The following ONECUT2 variants were observed in gnomAD, a reference collection of about 807,000 sequenced individuals.
ONECUT2 encodes one cut homeobox 2, also known as one cut domain family member 2.
Under a neutral mutation model 27.9 loss-of-function variants are expected in ONECUT2, and 10 were observed. That is an observed-to-expected ratio of 0.36 (90% CI 0.22 to 0.61). ONECUT2 has a LOEUF of 0.61. Among genes scored for constraint, ONECUT2 ranks in the 20% least tolerant of loss-of-function variants. ONECUT2 has a pLI of 0.73. For synonymous variants in ONECUT2, 334 were observed against 315.1 expected (o/e 1.06, Z -0.64); for missense variants, 686 against 721.0 (o/e 0.95, Z 0.56).
chr18:57,440,515 C>G (rs1412845610), intron 1 of ONECUT2, among the ~76,000 whole-genome samples: 1 of 152,248 alleles, frequency 6.6e-6, no homozygotes, highest in Non-Finnish European at 1.5e-5. Context: ...CCGCCGTAGT[C>G]CGACGCACGG....
At position 57,435,465 on chromosome 18, in the gene ONECUT2, C is replaced by A. The variant is rs1221113959; in HGVS notation, c.-252C>A. On this transcript the variant is annotated 5_prime_UTR_variant, in exon 1 of 2. Transcript: ENST00000491143. ...TGGCGAGGCTGCGAGCCGGCCCGAG[C>A]GGCGGGGCCCGGTGATCCCTCCCTC... 6.6e-6 allele frequency among the ~76,000 whole-genome samples: 1 copy of A among 151,024 alleles called. No individual in the cohort carries two copies. Among genetic ancestry groups the A allele is most frequent in the Non-Finnish European group, 1.5e-5 (1 of 67,576 alleles).
rs1308043404 is a variant in ONECUT2 at position 57,488,651 on chromosome 18, G to A, written c.*11928G>A. On this transcript the variant is annotated 3_prime_UTR_variant, in exon 2 of 2. Transcript: ENST00000491143. ...CAGACAACTGAAGTAGCTACATCAT[G>A]AATGTTATTTTGTTATTAAAGGGTT... 6.6e-6 allele frequency: 1 copy of A among 152,636 alleles called. No individual in the cohort carries two copies. The highest frequency in any genetic ancestry group is 1.5e-5 in the Non-Finnish European group (1 of 68,044). The allele number at this position is 152,636 out of a possible 1,614,324, so 9.5% of individuals were successfully genotyped here. A position where few individuals can be genotyped will look rare whatever the true frequency, so the allele number is the denominator to read the frequency against.
chr18:57,435,982 A>C lies in ONECUT2; in HGVS notation c.266A>C (p.Gln89Pro). Residue 89 changes from glutamine (Q) to proline (P), a missense_variant, in exon 1 of 2, where the codon CAG becomes CCG. By Grantham distance (76) the Gln-to-Pro change is moderately conservative (BLOSUM62 -1). Around this residue, in one of 4 missense-constraint regions of ONECUT2, gnomAD observed 511 missense variants for 488.1 expected, o/e 1.05. Transcript: ENST00000491143. ...RGPPPPPTAH[Q>P]ELGTAAAAAA... ...CCTCCGCCGCCTCCAACCGCGCACCAGGAGCTGGGCACGGCGGCAGCGGCG... is the reference window on the plus strand; with the variant it reads ...CCTCCGCCGCCTCCAACCGCGCACCCGGAGCTGGGCACGGCGGCAGCGGCG... 1 of 1,466,874 alleles carries C rather than the reference A, an allele frequency of 6.8e-7. No individual in the cohort carries two copies. The highest frequency in any genetic ancestry group is 1.4e-5 in the South Asian group (1 of 72,762). 90.9% of individuals were successfully genotyped at this position (1,466,874 alleles called of 1,614,324 possible).
At chr18:57,473,138 G>T (rs1014963108) in intron 1 of ONECUT2, among the ~76,000 whole-genome samples, 1 of 152,190 alleles carries the variant, frequency 6.6e-6, no homozygotes, top group Admixed American at 6.5e-5. Flanking sequence ...CCCACATGGT[G>T]AAAATCAGAA....
At chr18:57,440,517 G>A (rs1555673258) in intron 1 of ONECUT2, among the ~76,000 whole-genome samples, 1 of 152,240 alleles carries the variant, frequency 6.6e-6, no homozygotes, top group Non-Finnish European at 1.5e-5. Context: ...GCCGTAGTCC[G>A]ACGCACGGCC....
chr18:57,470,622 G>A (rs1334590404), intron 1 of ONECUT2, among the ~76,000 whole-genome samples: 1 of 152,168 alleles, frequency 6.6e-6, no homozygotes, highest in Admixed American at 6.5e-5. Context: ...AGCTAAGGGA[G>A]ATAAAAGATG....
rs1326869184 is a variant in ONECUT2, at chr18:57,484,839, C to CAGA, written c.*8116_*8117insAGA. The CAGA allele has an allele frequency of 6.6e-6, 1 of 152,220 alleles. No individual in the cohort carries two copies. Among genetic ancestry groups the CAGA allele is most frequent in the African/African-American group, 2.4e-5 (1 of 41,448 alleles). The allele number at this position is 152,220 out of a possible 1,614,324, so 9.4% of individuals were successfully genotyped here. A position where few individuals can be genotyped will look rare whatever the true frequency, so the allele number is the denominator to read the frequency against. On this transcript the variant is annotated 3_prime_UTR_variant, in exon 2 of 2. Coordinates refer to ENST00000491143, the MANE Select transcript of ONECUT2 (RefSeq NM_004852.3). ...GTGCTCCGCTTATTGTACAGTGCTACCTCTGCATGAGAGCGGTCCCACATT... is the reference window on the plus strand; with the variant it reads ...GTGCTCCGCTTATTGTACAGTGCTACAGACTCTGCATGAGAGCGGTCCCACATT...
chr18:57,441,474 C>T (rs1408753795), intron 1 of ONECUT2, among the ~76,000 whole-genome samples: 1 of 152,224 alleles, frequency 6.6e-6, no homozygotes, highest in Non-Finnish European at 1.5e-5. Flanking sequence ...CCGAGGTTTT[C>T]TCCTCCTCTC....
rs2050134576 is a variant in ONECUT2, at chr18:57,435,687, C to T, written c.-30C>T. 3.8e-6 allele frequency: 4 copies of T among 1,057,174 alleles called. No homozygotes were observed. The South Asian group carries it at 1.2e-4, about 32-fold the overall frequency. The allele number at this position is 1,057,174 out of a possible 1,614,324, so 65.5% of individuals were successfully genotyped here. Reference sequence around the variant, plus strand: ...CCCGCCCGCCGGCCGCCCCCGCCGCCCCCGCCGCCCCCGGGCCCTGATGGA... The same window carrying T: ...CCCGCCCGCCGGCCGCCCCCGCCGCTCCCGCCGCCCCCGGGCCCTGATGGA... On this transcript the variant is annotated 5_prime_UTR_variant, in exon 1 of 2. Transcript: ENST00000491143.
In ONECUT2 at chr18:57,435,850, G is replaced by A; in HGVS notation, c.134G>A (p.Gly45Asp). Residue 45 changes from glycine (G) to aspartate (D), a missense_variant, in exon 1 of 2, where the codon GGC becomes GAC. Transcript: ENST00000491143. Reference protein sequence around the residue: ...PAGGGSGGGGGGGGGGGGGGP... With the variant: ...PAGGGSGGGGDGGGGGGGGGP... ...GGCGGCGGCAGTGGCGGGGGCGGCG[G>A]CGGGGGCGGCGGGGGCGGCGGCGGG... The A allele has an allele frequency of 2.0e-6, 2 of 1,004,372 alleles. No homozygotes were observed. Among genetic ancestry groups the A allele is most frequent in the Non-Finnish European group, 2.4e-6 (2 of 841,936 alleles). 62.2% of individuals were successfully genotyped at this position (1,004,372 alleles called of 1,614,324 possible).
At chr18:57,472,761 A>C (rs1305018529) in intron 1 of ONECUT2, among the ~76,000 whole-genome samples, 1 of 152,218 alleles carries the variant, frequency 6.6e-6, no homozygotes, top group African/African-American at 2.4e-5. Flanking sequence ...CCGACAAGCC[A>C]ATGTGGACCT....
At position 57,435,474 on chromosome 18, in the gene ONECUT2, C is replaced by T. The variant is rs1316747710; in HGVS notation, c.-243C>T. On this transcript the variant is annotated 5_prime_UTR_variant, in exon 1 of 2. Coordinates refer to ENST00000491143, the MANE Select transcript of ONECUT2 (RefSeq NM_004852.3). ...TGCGAGCCGGCCCGAGCGGCGGGGC[C>T]CGGTGATCCCTCCCTCCCTCCCCGT... Among the ~76,000 whole-genome samples the T allele has an allele frequency of 2.0e-5, 3 of 150,672 alleles. No individual in the cohort carries two copies. Among genetic ancestry groups the T allele is most frequent in the African/African-American group, 2.4e-5 (1 of 41,074 alleles).
intron 1 of ONECUT2, among the ~76,000 whole-genome samples, chr18:57,458,170 T>C (rs1486177004): frequency 6.6e-6 from 1 of 152,242 alleles, no homozygotes; most frequent in Admixed American, 6.5e-5. Flanking sequence ...AATATTTTGC[T>C]TTTATTAAAA....
At chr18:57,450,230 G>A (rs12954956) in intron 1 of ONECUT2, among the ~76,000 whole-genome samples, 6,502 of 152,238 alleles carry the variant, frequency 0.043, 590 homozygotes, top group East Asian at 0.36. Flanking sequence ...CTGGAGTGCA[G>A]TGGTGCGATC....
intron 1 of ONECUT2, among the ~76,000 whole-genome samples, chr18:57,450,723 G>A (rs1436880241): frequency 3.3e-5 from 5 of 152,036 alleles, no homozygotes; most frequent in Non-Finnish European, 5.9e-5. Flanking sequence ...CCTATTTTAA[G>A]TCATTTTAAT....
chr18:57,454,863 A>C (rs908793200), intron 1 of ONECUT2, among the ~76,000 whole-genome samples: 3 of 152,198 alleles, frequency 2.0e-5, no homozygotes, highest in Non-Finnish European at 2.9e-5. Context: ...TTGACTGTGC[A>C]CACAGTAGGT....
rs1598927062 is a variant in ONECUT2, at chr18:57,436,420, G to T, written c.704G>T (p.Gly235Val). 6.2e-7 allele frequency: 1 copy of T among 1,611,866 alleles called. No individual in the cohort carries two copies. ...CTGGCCGCCACGCCGCTGGGCAACG[G>T]GCTAGGCGGCCTCCACAACGCGCAG... is the stretch of plus-strand genomic sequence containing the variant. ...SPLAATPLGN[G>V]LGGLHNAQQS... Residue 235 changes from glycine to valine, a missense_variant, in exon 1 of 2, where the codon GGG becomes GTG. By Grantham distance (109) the Gly-to-Val change is moderately radical (BLOSUM62 -3). Around this residue, in one of 4 missense-constraint regions of ONECUT2, gnomAD observed 511 missense variants for 488.1 expected, o/e 1.05. Transcript: ENST00000491143. This position sits in a 1 kb window ranked among gnomAD's most constrained non-coding sequence, Gnocchi z 5.9.
chr18:57,470,282 A>G (rs942847442), intron 1 of ONECUT2, among the ~76,000 whole-genome samples: 3 of 152,164 alleles, frequency 2.0e-5, no homozygotes, highest in Non-Finnish European at 2.9e-5. Flanking sequence ...GAGGACTGGA[A>G]GATTCTGACC....
intron 1 of ONECUT2, among the ~76,000 whole-genome samples, chr18:57,473,608 G>A (rs1174008561): frequency 1.3e-5 from 2 of 152,132 alleles, no homozygotes; most frequent in East Asian, 3.8e-4. Context: ...GCAGACCCTT[G>A]CAACTCAAAC....
Sources: gnomAD v4.1 joint callset for allele counts (sites outside exome capture counted in the v4.1 genomes callset) on GRCh38, gnomAD v4.1.1 for gene constraint, gnomAD v4.1.1 regional missense constraint, Gnocchi (gnomAD v3.1) non-coding constraint, MANE v1.5 for transcripts, NCBI Gene and HGNC (gene_info 2026-07-23, HGNC 2026-07-21) for gene names.